Variants in LMX1B observed in about 807,000 individuals in gnomAD.
LMX1B encodes LIM homeobox transcription factor 1-beta.
Under a neutral mutation model 51.4 loss-of-function variants are expected in LMX1B, and 12 were observed. The observed-to-expected ratio is 0.23, with a 90% CI of 0.15 to 0.38. The LOEUF (loss-of-function observed/expected upper bound fraction) is 0.38. LMX1B is among the 10% of genes least tolerant of loss of function. The pLI is 1.00. For synonymous variants in LMX1B, 237 were observed against 235.4 expected (o/e 1.01, Z -0.06); for missense variants, 445 against 571.1 (o/e 0.78, Z 2.25).
At chr9:126,664,693 G>T (rs1264949018) in intron 2 of LMX1B, among the ~76,000 whole-genome samples, 2 of 152,202 alleles carry the variant, frequency 1.3e-5, no homozygotes, top group Admixed American at 1.3e-4. Flanking sequence ...GACCAACATG[G>T]TGAAACCCCG....
In LMX1B at chr9:126,673,108, T is replaced by A. The variant is rs1005920740; in HGVS notation, c.327-17728T>A. Among the ~76,000 whole-genome samples the A allele has an allele frequency of 2.0e-5, 3 of 152,172 alleles. No homozygotes were observed. Among genetic ancestry groups the A allele is most frequent in the Non-Finnish European group, 4.4e-5 (3 of 68,018 alleles). ...CTTGGCACAAGGCTCAGTTTTCTCATCTGAGAAATGGGAAGACTCATTCTC... is the reference window on the plus strand; with the variant it reads ...CTTGGCACAAGGCTCAGTTTTCTCAACTGAGAAATGGGAAGACTCATTCTC... On this transcript the variant is annotated intron_variant, in intron 2 of 7. Transcript: ENST00000373474. This position sits in a 1 kb window ranked among gnomAD's most constrained non-coding sequence, Gnocchi z 4.4.
rs1835790284 is a variant in LMX1B, at chr9:126,640,506, C to A, written c.326+24937C>A. On this transcript the variant is annotated intron_variant, in intron 2 of 7. Transcript: ENST00000373474. The stretch of plus-strand genomic sequence containing the variant: ...AGGGTGGGGGTGATTCTGTGACATG[C>A]CTGTCATGTATGTGACAAGTCCTTG... Among the ~76,000 whole-genome samples, 2 of 152,198 alleles carry A rather than the reference C, an allele frequency of 1.3e-5. 1 individual carries two copies. The highest frequency in any genetic ancestry group is 4.1e-4 in the South Asian group (2 of 4,834).
intron 2 of LMX1B, among the ~76,000 whole-genome samples, chr9:126,639,414 G>T (rs1466020025): frequency 6.6e-6 from 1 of 152,216 alleles, no homozygotes; most frequent in African/African-American, 2.4e-5. Flanking sequence ...CCGGGCCCAT[G>T]CCCCACCCCT....
rs552593219 is a variant in LMX1B at position 126,696,118 on chromosome 9, C to A, written c.1051+115C>A. ...TGCCCTAGGGCTCAGGCAGCATGGC[C>A]AGCACAGCCCTCCTGCCCCTGCTGA... On this transcript the variant is annotated intron_variant, in intron 7 of 7. Transcript: ENST00000373474. 1.0e-5 allele frequency: 12 copies of A among 1,188,120 alleles called. No individual in the cohort carries two copies. In the South Asian group the frequency reaches 1.1e-4, roughly 11 times the overall value. The allele number at this position is 1,188,120 out of a possible 1,614,324, so 73.6% of individuals were successfully genotyped here.
Position 126,660,370 on chromosome 9 carries a change from T to C in LMX1B, c.327-30466T>C, listed in dbSNP as rs570771558. On this transcript the variant is annotated intron_variant, in intron 2 of 7. Coordinates refer to ENST00000373474, the MANE Select transcript of LMX1B (RefSeq NM_001174147.2). ...TTGTCCTGGTGTGGCCAAGGCAATG[T>C]AAGCTTTCTGTGGTCCGTGTACAAC... is the stretch of plus-strand genomic sequence containing the variant. Among the ~76,000 whole-genome samples the C allele has an allele frequency of 2.6e-5, 4 of 152,248 alleles. No homozygotes were observed. The South Asian group carries it at 8.3e-4, about 32-fold the overall frequency.
chr9:126,673,082 G>A lies in LMX1B; in HGVS notation c.327-17754G>A, dbSNP rs974084215. Among the ~76,000 whole-genome samples the A allele has an allele frequency of 2.0e-5, 3 of 152,214 alleles. No homozygotes were observed. Among genetic ancestry groups the A allele is most frequent in the African/African-American group, 7.2e-5 (3 of 41,460 alleles). On this transcript the variant is annotated intron_variant, in intron 2 of 7. Transcript: ENST00000373474. This position sits in a 1 kb window ranked among gnomAD's most constrained non-coding sequence, Gnocchi z 4.4. The stretch of plus-strand genomic sequence containing the variant: ...GGCTCTGGCACTTTGTAGCTGTGAG[G>A]CTTGGCACAAGGCTCAGTTTTCTCA...
intron 2 of LMX1B, among the ~76,000 whole-genome samples, chr9:126,619,527 G>A (rs974198408): frequency 1.4e-4 from 21 of 152,344 alleles, no homozygotes; most frequent in African/African-American, 5.1e-4. Context: ...CTTGGGAGGA[G>A]GAGCCAGGAC....
chr9:126,684,818 A>AG (rs757493432), intron 2 of LMX1B, among the ~76,000 whole-genome samples: 2 of 152,132 alleles, frequency 1.3e-5, no homozygotes, highest in Non-Finnish European at 2.9e-5. Flanking sequence ...GCCCTGCAGG[A>AG]GGCATGCGTG....
intron 2 of LMX1B, 40 bp from the exon 3 acceptor site, chr9:126,690,796 T>G: frequency 6.4e-7 from 1 of 1,551,658 alleles, no homozygotes; most frequent in Non-Finnish European, 8.7e-7. Flanking sequence ...TGGGAGGGAC[T>G]TCTGAGCACC....
chr9:126,686,698 A>G (rs1204957413), intron 2 of LMX1B, among the ~76,000 whole-genome samples: 1 of 152,222 alleles, frequency 6.6e-6, no homozygotes, highest in Non-Finnish European at 1.5e-5. Flanking sequence ...GCAAAGGCAC[A>G]TGGAGATGCA....
At chr9:126,667,307 G>C (rs937665145) in intron 2 of LMX1B, among the ~76,000 whole-genome samples, 1 of 152,234 alleles carries the variant, frequency 6.6e-6, no homozygotes, top group African/African-American at 2.4e-5. Context: ...CAGATTTGCT[G>C]TATCTTGCAG....
At chr9:126,651,604 G>A (rs755733058) in intron 2 of LMX1B, among the ~76,000 whole-genome samples, 14 of 152,172 alleles carry the variant, frequency 9.2e-5, no homozygotes, top group African/African-American at 2.6e-4. Context: ...CCATGGGAAC[G>A]CTGCCCTGTA....
At position 126,613,956 on chromosome 9, in the gene LMX1B, C is replaced by T. The variant is rs1835238996; in HGVS notation, c.-494C>T. ...CCCAGCTCTAAACCCGGCGGCTCAGCGGGCGCACCATGGCACTGGAGTAGC... is the reference window on the plus strand; with the variant it reads ...CCCAGCTCTAAACCCGGCGGCTCAGTGGGCGCACCATGGCACTGGAGTAGC... On this transcript the variant is annotated 5_prime_UTR_variant, in exon 1 of 8. Coordinates refer to ENST00000373474, the MANE Select transcript of LMX1B (RefSeq NM_001174147.2). This position sits in a 1 kb window ranked among gnomAD's most constrained non-coding sequence, Gnocchi z 4.5. 6.8e-6 allele frequency among the ~76,000 whole-genome samples: 1 copy of T among 146,088 alleles called. No homozygotes were observed. The highest frequency in any genetic ancestry group is 2.0e-4 in the East Asian group (1 of 5,026).
rs200935980 is a variant in LMX1B, at chr9:126,670,449, GGT to G, written c.327-20385_327-20384del. 1.6e-3 allele frequency among the ~76,000 whole-genome samples: 245 copies of G among 152,368 alleles called. 4 individuals carry two copies. Among genetic ancestry groups the G allele is most frequent in the African/African-American group, 5.7e-3 (237 of 41,590 alleles). On this transcript the variant is annotated intron_variant, in intron 2 of 7. Coordinates refer to ENST00000373474, the MANE Select transcript of LMX1B (RefSeq NM_001174147.2). ...TATGTGGCCAGTATGTGTGCATATG[GGT>G]GCAGACGCGCTCAGATTTGCCGGCA... is the stretch of plus-strand genomic sequence containing the variant.
rs953659561 is a variant in LMX1B, at chr9:126,696,556, C to G, written c.*105C>G. 7.9e-6 allele frequency: 11 copies of G among 1,390,440 alleles called. No homozygotes were observed. The East Asian group carries it at 2.5e-4, about 32-fold the overall frequency. 86.1% of individuals were successfully genotyped at this position (1,390,440 alleles called of 1,614,324 possible). Reference sequence around the variant, plus strand: ...CCCTGCTCTCCGCACAGACTACAGACAGCCATACGGTGCCCTCCCCTCGGC... The same window carrying G: ...CCCTGCTCTCCGCACAGACTACAGAGAGCCATACGGTGCCCTCCCCTCGGC... On this transcript the variant is annotated 3_prime_UTR_variant, in exon 8 of 8. Coordinates refer to ENST00000373474, the MANE Select transcript of LMX1B (RefSeq NM_001174147.2).
chr9:126,625,728 G>A lies in LMX1B; in HGVS notation c.326+10159G>A, dbSNP rs1835514085. ...CTCCGCCGCCGCCGCCGCCACCCTCGTCCCACCGTTTGCAGGGCTTTCCTG... is the reference window on the plus strand; with the variant it reads ...CTCCGCCGCCGCCGCCGCCACCCTCATCCCACCGTTTGCAGGGCTTTCCTG... On this transcript the variant is annotated intron_variant, in intron 2 of 7. Transcript: ENST00000373474. This position sits in a 1 kb window ranked among gnomAD's most constrained non-coding sequence, Gnocchi z 5.3. Among the ~76,000 whole-genome samples the A allele has an allele frequency of 6.6e-6, 1 of 152,184 alleles. No individual in the cohort carries two copies. Among genetic ancestry groups the A allele is most frequent in the South Asian group, 2.1e-4 (1 of 4,832 alleles).
intron 4 of LMX1B, 60 bp from the exon 5 acceptor site, chr9:126,693,464 C>G: frequency 1.3e-5 from 20 of 1,585,424 alleles, no homozygotes; most frequent in Admixed American, 5.0e-5. Flanking sequence ...ACCCCTAAAC[C>G]CACCATCTCC....
At chr9:126,670,629 G>A (rs976279691) in intron 2 of LMX1B, among the ~76,000 whole-genome samples, 2 of 152,118 alleles carry the variant, frequency 1.3e-5, no homozygotes, top group Non-Finnish European at 2.9e-5. Flanking sequence ...GAGTGGACAC[G>A]GGTGAGGGCC....
intron 2 of LMX1B, among the ~76,000 whole-genome samples, chr9:126,628,452 A>C (rs1835573030): frequency 1.3e-5 from 2 of 152,224 alleles, no homozygotes; most frequent in Non-Finnish European, 1.5e-5. Context: ...AAGGTCCCCA[A>C]ATCTACAAGG....
Sources: allele counts gnomAD v4.1 joint callset (sites outside exome capture counted in the v4.1 genomes callset), GRCh38; gene constraint gnomAD v4.1.1; non-coding constraint Gnocchi (gnomAD v3.1); transcripts MANE v1.5; gene names NCBI Gene and HGNC (gene_info 2026-07-23, HGNC 2026-07-21).